ALDH3B2: variants seen among roughly 807,000 people sequenced by gnomAD.
ALDH3B2 encodes aldehyde dehydrogenase 3 family member B2.
In ALDH3B2, 45 loss-of-function variants were observed where a neutral mutation model predicts 36.7. The ratio of observed to expected loss-of-function variants is 1.23; its 90% CI spans 0.97 to 1.57. The LOEUF (loss-of-function observed/expected upper bound fraction) is 1.57. Among genes scored for constraint, ALDH3B2 ranks in the 40% most tolerant of loss-of-function variants. The pLI, the probability that ALDH3B2 is intolerant of heterozygous loss-of-function variation, is 0.00. For synonymous variants in ALDH3B2, 217 were observed against 226.5 expected, an observed-to-expected ratio of 0.96 and a Z score of 0.38; for missense variants, 464 against 513.3, an observed-to-expected ratio of 0.90 and a Z score of 0.93.
intron 4 of ALDH3B2, 86 bp from the exon 5 acceptor site, chr11:67,666,487 C>T (rs1855916990): frequency 6.2e-7 from 1 of 1,604,820 alleles, no homozygotes; most frequent in Non-Finnish European, 8.5e-7. Flanking sequence ...ATGTGAGGCC[C>T]AGGGTACCTC....
chr11:67,680,390 G>A (rs1239213300), intron 1 of ALDH3B2, among the ~76,000 whole-genome samples: 1 of 152,150 alleles, frequency 6.6e-6, no homozygotes, highest in Non-Finnish European at 1.5e-5. Flanking sequence ...TCCTTTGTCT[G>A]TTCTGACACA....
intron 1 of ALDH3B2, among the ~76,000 whole-genome samples, chr11:67,672,994 G>A (rs1400959173): frequency 2.0e-5 from 3 of 147,354 alleles, no homozygotes; most frequent in Admixed American, 6.8e-5. Context: ...GCAGTGGTGC[G>A]ATCTCAGCTC....
upstream of ALDH3B2, among the ~76,000 whole-genome samples, chr11:67,677,802 A>G (rs1279060660): frequency 1.3e-5 from 2 of 152,214 alleles, no homozygotes; most frequent in African/African-American, 4.8e-5. Context: ...TCTTCTATCC[A>G]CCAACAGCGA....
intron 1 of ALDH3B2, among the ~76,000 whole-genome samples, chr11:67,680,818 G>C (rs1299332870): frequency 6.6e-6 from 1 of 152,168 alleles, no homozygotes; most frequent in African/African-American, 2.4e-5. Flanking sequence ...TCTCTCATTT[G>C]GCACCCCACT....
intron 7 of ALDH3B2, among the ~76,000 whole-genome samples, chr11:67,665,042 G>A (rs1434603369): frequency 6.6e-6 from 1 of 152,190 alleles, no homozygotes. Flanking sequence ...AGCACGCTGG[G>A]CCCTGGAGCC....
Position 67,663,729 on chromosome 11 carries a change from G to T in ALDH3B2, c.906C>A (p.Ser302Arg), listed in dbSNP as rs4646826. The T allele has an allele frequency of 1.7e-3, 2,725 of 1,612,804 alleles. 34 individuals carry two copies. The African/African-American group carries it at 0.02, about 12-fold the overall frequency. Reference sequence around the variant, plus strand: ...AGCCCTCATTGCCTCCAAAGCTGCCGCTGCTGGTCCGCTCCAGCATCTGGT... The same window carrying T: ...AGCCCTCATTGCCTCCAAAGCTGCCTCTGCTGGTCCGCTCCAGCATCTGGT... The change falls in exon 9 of 10, where the codon AGC becomes AGA. Residue 302 changes from serine (S) to arginine (R), a missense_variant. Transcript: ENST00000349015.
At chr11:67,674,913 G>T (rs1856232050), upstream of ALDH3B2, among the ~76,000 whole-genome samples, 1 of 152,140 alleles carries the variant, frequency 6.6e-6, no homozygotes, top group African/African-American at 2.4e-5. Context: ...ATATCAGCAG[G>T]ATCCTGGTGG....
chr11:67,664,535 T>C lies in ALDH3B2; in HGVS notation c.734A>G (p.Glu245Gly), dbSNP rs199918120. 1.5e-4 allele frequency: 236 copies of C among 1,613,660 alleles called. No homozygotes were observed. Among genetic ancestry groups the C allele is most frequent in the Non-Finnish European group, 1.8e-4 (218 of 1,180,004 alleles). The change falls in exon 8 of 10, where the codon GAG becomes GGG. Residue 245 changes from glutamate to glycine, a missense_variant. Physicochemically the swap from Glu to Gly is moderately conservative, Grantham distance 98. Transcript: ENST00000349015. ...CTCCTCCTGCATCACAGGCTCCGTCTCCTGCACGTCCACCAGCACCGTGGG... is the reference window on the plus strand; with the variant it reads ...CTCCTCCTGCATCACAGGCTCCGTCCCCTGCACGTCCACCAGCACCGTGGG...
At chr11:67,678,061 A>C (rs1856302579), upstream of ALDH3B2, among the ~76,000 whole-genome samples, 1 of 152,222 alleles carries the variant, frequency 6.6e-6, no homozygotes, top group African/African-American at 2.4e-5. Flanking sequence ...CTACAAATTC[A>C]ACACAATCTC....
At chr11:67,663,607 G>C in intron 9 of ALDH3B2, 55 bp downstream of exon 9, 1 of 1,533,884 alleles carries the variant, frequency 6.5e-7, no homozygotes, top group Non-Finnish European at 8.9e-7. Flanking sequence ...GGACTTCCTG[G>C]GTCTGGGGTA....
chr11:67,675,671 G>C (rs1565251746), upstream of ALDH3B2, among the ~76,000 whole-genome samples: 1 of 152,220 alleles, frequency 6.6e-6, no homozygotes, highest in African/African-American at 2.4e-5. Flanking sequence ...GGTAGCTAAA[G>C]ATGTAAATGC....
intron 1 of ALDH3B2, among the ~76,000 whole-genome samples, chr11:67,671,628 C>T (rs1856117891): frequency 6.7e-6 from 1 of 150,078 alleles, no homozygotes; most frequent in African/African-American, 2.4e-5. Context: ...CTCACCGCAA[C>T]CTCTGCCTCC....
At chr11:67,663,608 G>A in intron 9 of ALDH3B2, 54 bp downstream of exon 9, 1 of 1,541,098 alleles carries the variant, frequency 6.5e-7, no homozygotes, top group South Asian at 1.2e-5. Context: ...GACTTCCTGG[G>A]TCTGGGGTAC....
rs761921125 is a variant in ALDH3B2, at chr11:67,666,887, G to C, written c.30+19C>G. ...CGGTGCCCTGCCCTGCCCTCCTGCCGCCTGCCAGCAGGGCTCACCAGGTTC... is the reference window on the plus strand; with the variant it reads ...CGGTGCCCTGCCCTGCCCTCCTGCCCCCTGCCAGCAGGGCTCACCAGGTTC... On this transcript the variant is annotated intron_variant, in intron 3 of 9. Transcript: ENST00000349015. 100 of 1,614,048 alleles carry C rather than the reference G, an allele frequency of 6.2e-5. 1 individual carries two copies. Among genetic ancestry groups the C allele is most frequent in the Non-Finnish European group, 7.5e-5 (88 of 1,180,024 alleles).
chr11:67,672,085 A>ATATGTATG (rs1196101213), intron 1 of ALDH3B2, among the ~76,000 whole-genome samples: 2 of 52,838 alleles, frequency 3.8e-5, no homozygotes, highest in African/African-American at 1.5e-4. Context: ...ATATATATAT[A>ATATGTATG]TATGTATGTA....
chr11:67,662,521 C>T (rs1258948914), exon 10 of ALDH3B2: 1 of 152,728 alleles, frequency 6.5e-6, no homozygotes, highest in East Asian at 1.9e-4. Flanking sequence ...CCCCCGACTC[C>T]ATTTTATTAG....
rs3741177 is a variant in ALDH3B2, at chr11:67,666,553, G to A, written c.151+21C>T. The A allele has an allele frequency of 6.2e-4, 993 of 1,613,642 alleles. 10 individuals carry two copies. In the East Asian group the frequency reaches 0.015, roughly 25 times the overall value. On this transcript the variant is annotated intron_variant, in intron 4 of 9. Coordinates refer to ENST00000349015, the Ensembl canonical transcript of ALDH3B2. ...GGGCTACTGGGCGGGGAGAGCATGG[G>A]GTTCGGAACGCCCTCCTCACCTGCG...
At chr11:67,672,042 C>CATATATATATATAT (rs57997475) in intron 1 of ALDH3B2, among the ~76,000 whole-genome samples, 7 of 49,486 alleles carry the variant, frequency 1.4e-4, no homozygotes, top group African/African-American at 6.1e-4. Flanking sequence ...CGATGTACTT[C>CATATATATATATAT]ATATATATAT....
intron 7 of ALDH3B2, 143 bp from the exon 8 acceptor site, chr11:67,664,705 G>A (rs541705778): frequency 3.9e-6 from 5 of 1,282,956 alleles, no homozygotes; most frequent in Non-Finnish European, 5.2e-6. Flanking sequence ...AGGCTTTGGA[G>A]TGTTTAGGGA....
Sources: allele counts gnomAD v4.1 joint callset (sites outside exome capture counted in the v4.1 genomes callset), GRCh38; gene constraint gnomAD v4.1.1; transcripts MANE v1.5; gene names NCBI Gene and HGNC (gene_info 2026-07-23, HGNC 2026-07-21).